Variants in FAM199X observed in about 807,000 individuals in gnomAD.
FAM199X encodes the protein protein FAM199X.
Under a neutral mutation model 22.9 loss-of-function variants are expected in FAM199X, and 4 were observed. The ratio of observed to expected loss-of-function variants is 0.17; its 90% confidence interval spans 0.09 to 0.40. The LOEUF is 0.40. Among genes scored for constraint, FAM199X ranks in the 10% least tolerant of loss-of-function variants. The pLI, the probability that FAM199X is intolerant of heterozygous loss-of-function variation, is 1.00. For missense variants in FAM199X, 183 were observed against 306.8 expected, an observed-to-expected ratio of 0.60 and a Z score of 3.01; for synonymous variants, 101 against 112.3, an observed-to-expected ratio of 0.90 and a Z score of 0.64.
chrX:104,166,886 C>T lies in FAM199X; in HGVS notation c.101C>T (p.Pro34Leu). The T allele has an allele frequency of 8.3e-7, 1 of 1,204,232 alleles. No homozygotes were observed. Among genetic ancestry groups the T allele is most frequent in the South Asian group, 1.8e-5 (1 of 56,373 alleles). ...CCTCCTCGCGGGGTGGGCACCTGCCCGAGCGAGGAGCCGGGCTGCCTGGAC... is the reference window on the plus strand; with the variant it reads ...CCTCCTCGCGGGGTGGGCACCTGCCTGAGCGAGGAGCCGGGCTGCCTGGAC... ...LGPPRGVGTCPSEEPGCLDIS... is the reference protein window; with the variant it reads ...LGPPRGVGTCLSEEPGCLDIS... Residue 34 changes from proline to leucine, a missense_variant, in exon 1 of 6, where the codon CCG becomes CTG. Pro to Leu is a moderately conservative substitution (Grantham distance 98). Around this residue, in one of 2 missense-constraint regions of FAM199X, gnomAD observed 55 missense variants for 60.6 expected, o/e 0.91. Transcript: ENST00000493442.
At chrX:104,184,867 A>C (rs1556378697) in intron 2 of FAM199X, among the ~76,000 whole-genome samples, 1 of 108,558 alleles carries the variant, frequency 9.2e-6, no homozygotes, top group African/African-American at 3.4e-5. Flanking sequence ...TGCAGCCTCA[A>C]CCTCCCAGGT....
intron 2 of FAM199X, among the ~76,000 whole-genome samples, chrX:104,185,844 A>T (rs986246181): frequency 1.8e-5 from 2 of 111,647 alleles, no homozygotes; most frequent in African/African-American, 6.5e-5. Context: ...ACCTCAGGTG[A>T]TCCACCTGCC....
At chrX:104,159,791 G>T in the FAM199X span, among the ~76,000 whole-genome samples, 105 of 111,576 alleles carry the variant, frequency 9.4e-4, no homozygotes, top group African/African-American at 3.4e-3. Context: ...TTCATTGCCT[G>T]GGAGATTTCT....
chrX:104,192,915 G>A lies in FAM199X; in HGVS notation c.*3137G>A, dbSNP rs1244783282. 6 of 111,372 alleles carry A rather than the reference G, an allele frequency of 5.4e-5. No individual in the cohort carries two copies. Among genetic ancestry groups the A allele is most frequent in the Admixed American group, 3.8e-4 (4 of 10,477 alleles). 9.2% of individuals were successfully genotyped at this position (111,372 alleles called of 1,213,427 possible). A position where few individuals can be genotyped will look rare whatever the true frequency, so the allele number is the denominator to read the frequency against. ...AGGAAAAATTATAGGAAACTATAGC[G>A]GTATCCAGATTCTGATGAGCTTTAA... On this transcript the variant is annotated 3_prime_UTR_variant, in exon 6 of 6. Transcript: ENST00000493442.
intron 2 of FAM199X, among the ~76,000 whole-genome samples, chrX:104,182,226 A>G (rs1303523462): frequency 9.1e-6 from 1 of 109,949 alleles, no homozygotes; most frequent in East Asian, 2.9e-4. Flanking sequence ...TGACCTCATG[A>G]TCTGTCCGCC....
Position 104,195,851 on chromosome X carries a change from C to T in FAM199X, c.*6073C>T, listed in dbSNP as rs1922049422. On this transcript the variant is annotated 3_prime_UTR_variant, in exon 6 of 6. Coordinates refer to ENST00000493442, the MANE Select transcript of FAM199X (RefSeq NM_207318.4). ...CTTGTTTAATGATGCCAATCTTATG[C>T]TTTTCTGTAATCTTCAATTTTTAAT... is the stretch of plus-strand genomic sequence containing the variant. 1 of 109,807 alleles carries T rather than the reference C, an allele frequency of 9.1e-6. No homozygotes were observed. The highest frequency in any genetic ancestry group is 1.9e-5 in the Non-Finnish European group (1 of 52,549). The allele number at this position is 109,807 out of a possible 1,213,427, so 9.0% of individuals were successfully genotyped here. A position where few individuals can be genotyped will look rare whatever the true frequency, so the allele number is the denominator to read the frequency against.
chrX:104,189,482 A>T, intron 5 of FAM199X, 126 bp from the exon 6 acceptor site: 1 of 669,226 alleles, frequency 1.5e-6, no homozygotes, highest in South Asian at 2.5e-5. Context: ...TGGAACAAGG[A>T]TCATACTACA....
At chrX:104,163,034 G>A (rs1293826120), upstream of FAM199X, among the ~76,000 whole-genome samples, 1 of 109,410 alleles carries the variant, frequency 9.1e-6, no homozygotes, top group East Asian at 2.8e-4. Flanking sequence ...GCCAAAATAC[G>A]TAAGAAATTC....
Position 104,190,199 on chromosome X carries a change from A to T in FAM199X, c.*421A>T, listed in dbSNP as rs1921903197. 8.3e-6 allele frequency: 1 copy of T among 120,494 alleles called. No individual in the cohort carries two copies. The highest frequency in any genetic ancestry group is 1.7e-5 in the Non-Finnish European group (1 of 58,319). 9.9% of individuals were successfully genotyped at this position (120,494 alleles called of 1,213,427 possible). On this transcript the variant is annotated 3_prime_UTR_variant, in exon 6 of 6. Coordinates refer to ENST00000493442, the MANE Select transcript of FAM199X (RefSeq NM_207318.4). ...AAGGTACTGCTGACAGTAGTTTATT[A>T]TGTCAGTATACATACATGTGTAGAG... is the stretch of plus-strand genomic sequence containing the variant.
chrX:104,163,486 A>G (rs1004388699), upstream of FAM199X, among the ~76,000 whole-genome samples: 23 of 111,837 alleles, frequency 2.1e-4, no homozygotes, highest in Admixed American at 1.8e-3. Context: ...AGTACACCCA[A>G]GGGACAAACC....
Position 104,194,524 on chromosome X carries a change from C to T in FAM199X, c.*4746C>T, listed in dbSNP as rs1198845056. On this transcript the variant is annotated 3_prime_UTR_variant, in exon 6 of 6. Coordinates refer to ENST00000493442, the MANE Select transcript of FAM199X (RefSeq NM_207318.4). Reference sequence around the variant, plus strand: ...GGATTTAAACTGAGACTGAAATTGACATTTGTGGTTAGGTTATCTAGCTGA... The same window carrying T: ...GGATTTAAACTGAGACTGAAATTGATATTTGTGGTTAGGTTATCTAGCTGA... The T allele has an allele frequency of 1.8e-5, 2 of 112,093 alleles. No homozygotes were observed. Among genetic ancestry groups the T allele is most frequent in the Admixed American group, 9.5e-5 (1 of 10,566 alleles). The allele number at this position is 112,093 out of a possible 1,213,427, so 9.2% of individuals were successfully genotyped here.
In FAM199X at chrX:104,194,918, C is replaced by T. The variant is rs1287118563; in HGVS notation, c.*5140C>T. The T allele has an allele frequency of 9.1e-6, 1 of 109,884 alleles. No homozygotes were observed. Among genetic ancestry groups the T allele is most frequent in the Non-Finnish European group, 1.9e-5 (1 of 52,656 alleles). 9.1% of individuals were successfully genotyped at this position (109,884 alleles called of 1,213,427 possible). On this transcript the variant is annotated 3_prime_UTR_variant, in exon 6 of 6. Transcript: ENST00000493442. ...TCCTGTATTACTGCTAAATATATTA[C>T]TATATTAATGCACTTTTGTATATAT...
chrX:104,184,912 T>G (rs1921758034), intron 2 of FAM199X, among the ~76,000 whole-genome samples: 1 of 108,211 alleles, frequency 9.2e-6, no homozygotes, highest in Admixed American at 1.0e-4. Context: ...CACAGGCATG[T>G]GTCACCACAC....
At chrX:104,176,919 C>T (rs897790102) in intron 2 of FAM199X, among the ~76,000 whole-genome samples, 4 of 110,893 alleles carry the variant, frequency 3.6e-5, no homozygotes, top group African/African-American at 1.3e-4. Flanking sequence ...AATTCACAAC[C>T]CTTCCATTTT....
intron 2 of FAM199X, among the ~76,000 whole-genome samples, chrX:104,185,402 C>T (rs1556378859): frequency 9.0e-6 from 1 of 111,048 alleles, no homozygotes; most frequent in Admixed American, 9.6e-5. Flanking sequence ...GTCATATTCT[C>T]ATTATACATT....
At chrX:104,164,385 T>C (rs782467771), upstream of FAM199X, among the ~76,000 whole-genome samples, 1 of 112,464 alleles carries the variant, frequency 8.9e-6, no homozygotes, top group East Asian at 2.8e-4. Context: ...TATTATCTTA[T>C]GCTAATTCAT....
At chrX:104,184,394 T>C (rs1921741992) in intron 2 of FAM199X, among the ~76,000 whole-genome samples, 1 of 112,130 alleles carries the variant, frequency 8.9e-6, no homozygotes, top group Non-Finnish European at 1.9e-5. Flanking sequence ...CTTGTAAAAA[T>C]GAAGTCAGTA....
chrX:104,176,048 TTG>T (rs1921482266), intron 2 of FAM199X, among the ~76,000 whole-genome samples: 1 of 111,844 alleles, frequency 8.9e-6, no homozygotes, highest in African/African-American at 3.2e-5. Flanking sequence ...AGATATCCTT[TTG>T]TAGATTTTTA....
intron 5 of FAM199X, 69 bp downstream of exon 5, chrX:104,188,375 C>G (rs1921855159): frequency 2.7e-6 from 3 of 1,128,620 alleles, no homozygotes; most frequent in Non-Finnish European, 3.6e-6. Context: ...ATATAAATTT[C>G]TTGAAGAGTT....
Sources: gnomAD v4.1 joint callset for allele counts (sites outside exome capture counted in the v4.1 genomes callset) on GRCh38, gnomAD v4.1.1 for gene constraint, gnomAD v4.1.1 regional missense constraint, MANE v1.5 for transcripts, NCBI Gene and HGNC (gene_info 2026-07-23, HGNC 2026-07-21) for gene names.